The following ESRRG variants were observed in gnomAD, a reference collection of about 807,000 sequenced individuals.
The protein encoded by ESRRG is estrogen-related receptor gamma.
In ESRRG, 13 loss-of-function variants were observed where a neutral mutation model predicts 44.0. The observed-to-expected ratio is 0.30, with a 90% CI of 0.19 to 0.47. The LOEUF (loss-of-function observed/expected upper bound fraction) is 0.47, where lower values mean the gene tolerates loss of function less well. ESRRG is among the 20% of genes least tolerant of loss of function. The probability of loss-of-function intolerance (pLI) is 1.00; values close to 1 mark genes in which losing one functional copy is unlikely to be tolerated. For synonymous variants in ESRRG, 215 were observed against 214.6 expected (o/e 1.00, Z -0.02); for missense variants, 395 against 580.6 (o/e 0.68, Z 3.29).
chr1:216,924,131 G>T (rs1356532803), intron 2 of ESRRG, among the ~76,000 whole-genome samples: 2 of 152,160 alleles, frequency 1.3e-5, no homozygotes, highest in Non-Finnish European at 2.9e-5. Context: ...GCAGACAGAG[G>T]AAGAGGTTTT....
At chr1:216,949,873 T>G (rs1476958734) in intron 1 of ESRRG, among the ~76,000 whole-genome samples, 3 of 151,754 alleles carry the variant, frequency 2.0e-5, no homozygotes, top group African/African-American at 4.8e-5. Flanking sequence ...AGTGCAGTGG[T>G]GCCATGTCAG....
chr1:216,576,160 A>G (rs2061644556), intron 3 of ESRRG, among the ~76,000 whole-genome samples: 1 of 152,028 alleles, frequency 6.6e-6, no homozygotes, highest in Non-Finnish European at 1.5e-5. Context: ...AGTCCCACAG[A>G]GTCTATTTTC....
intron 3 of ESRRG, among the ~76,000 whole-genome samples, chr1:216,575,140 C>A (rs933743355): frequency 1.3e-5 from 2 of 152,028 alleles, no homozygotes; most frequent in Non-Finnish European, 2.9e-5. Context: ...ACCAGTTTAA[C>A]CTAGAGTAGC....
chr1:216,982,696 T>C (rs2074161870), intron 1 of ESRRG, among the ~76,000 whole-genome samples: 1 of 152,200 alleles, frequency 6.6e-6, no homozygotes, highest in Non-Finnish European at 1.5e-5. Context: ...GCCATATAAC[T>C]GCTGGGTTTC....
At chr1:217,108,633 G>A (rs2092626462) in intron 1 of ESRRG, among the ~76,000 whole-genome samples, 1 of 151,920 alleles carries the variant, frequency 6.6e-6, no homozygotes, top group Admixed American at 6.6e-5. Flanking sequence ...TTAAAAGTGT[G>A]TGGCGCCTTC....
chr1:217,056,433 A>G (rs1188249760), intron 1 of ESRRG, among the ~76,000 whole-genome samples: 2 of 152,094 alleles, frequency 1.3e-5, no homozygotes, highest in Non-Finnish European at 2.9e-5. Flanking sequence ...AAGAATTTAT[A>G]CTAAAACAAA....
chr1:216,865,699 T>C (rs1189129308), intron 2 of ESRRG, among the ~76,000 whole-genome samples: 1 of 152,220 alleles, frequency 6.6e-6, no homozygotes, highest in Non-Finnish European at 1.5e-5. Flanking sequence ...TTCAAGATTT[T>C]ACTTTCACCC....
At position 216,739,535 on chromosome 1, in the gene ESRRG, T is replaced by C. The variant is rs147739066; in HGVS notation, c.-13-62044A>G. ...TGGTATGTAGAGTTTATACCAGTAG[T>C]TCTCAAAGGAAAATATCAGTATTAT... On this transcript the variant is annotated intron_variant, in intron 2 of 7. Coordinates refer to the ESRRG transcript ENST00000359162. 4.5e-3 allele frequency among the ~76,000 whole-genome samples: 682 copies of C among 152,270 alleles called. 5 individuals are homozygous for C. Among genetic ancestry groups the C allele is most frequent in the African/African-American group, 0.015 (614 of 41,570 alleles).
chr1:216,571,929 C>T lies in ESRRG; in HGVS notation c.590-3831G>A, dbSNP rs376973134. 1.8e-4 allele frequency among the ~76,000 whole-genome samples: 28 copies of T among 152,074 alleles called. No individual in the cohort carries two copies. The East Asian group carries it at 3.3e-3, about 18-fold the overall frequency. ...TATTATACTCATCAAGTTTAGATAG[C>T]GATTAATGGTAAAAATTTCTAGAGC... On this transcript the variant is annotated intron_variant, in intron 3 of 6. Transcript: ENST00000408911.
intron 5 of ESRRG, among the ~76,000 whole-genome samples, chr1:216,545,202 C>T (rs1346009392): frequency 6.6e-6 from 1 of 151,180 alleles, no homozygotes; most frequent in Non-Finnish European, 1.5e-5. Flanking sequence ...CATACACCAG[C>T]ATGCCTAGCT....
intron 2 of ESRRG, among the ~76,000 whole-genome samples, chr1:216,819,425 A>C (rs950075723): frequency 3.3e-5 from 5 of 152,312 alleles, no homozygotes; most frequent in African/African-American, 1.2e-4. Context: ...CCATTCACCC[A>C]AAAGCATTGA....
intron 1 of ESRRG, among the ~76,000 whole-genome samples, chr1:216,970,238 A>T (rs1177809579): frequency 1.3e-5 from 2 of 152,232 alleles, no homozygotes; most frequent in Non-Finnish European, 2.9e-5. Context: ...GAGAAAATGC[A>T]TCACTAAAAA....
intron 2 of ESRRG, among the ~76,000 whole-genome samples, chr1:216,815,006 C>T (rs1434043042): frequency 6.6e-6 from 1 of 152,188 alleles, no homozygotes; most frequent in Non-Finnish European, 1.5e-5. Context: ...CTTAAATCCT[C>T]CCCTCACTTT....
intron 2 of ESRRG, among the ~76,000 whole-genome samples, chr1:216,925,366 G>A (rs1342906337): frequency 6.6e-6 from 1 of 152,196 alleles, no homozygotes; most frequent in Non-Finnish European, 1.5e-5. Flanking sequence ...GAACCCGGGA[G>A]GCGGAGGTTG....
At chr1:216,867,482 AG>A (rs2096185649) in intron 2 of ESRRG, among the ~76,000 whole-genome samples, 1 of 152,272 alleles carries the variant, frequency 6.6e-6, no homozygotes, top group African/African-American at 2.4e-5. Context: ...AAATTTGCGT[AG>A]GGGATATTTA....
chr1:216,545,735 C>A (rs2054304464), intron 5 of ESRRG, among the ~76,000 whole-genome samples: 1 of 152,000 alleles, frequency 6.6e-6, no homozygotes, highest in South Asian at 2.1e-4. Context: ...ATGTAATTAA[C>A]AATGCAATAA....
intron 1 of ESRRG, among the ~76,000 whole-genome samples, chr1:217,087,160 G>T (rs908315658): frequency 6.6e-6 from 1 of 152,132 alleles, no homozygotes; most frequent in African/African-American, 2.4e-5. Flanking sequence ...TACCTCTGGC[G>T]GGCTTTCGCT....
At chr1:216,682,379 G>A (rs2077173955) in intron 1 of ESRRG, among the ~76,000 whole-genome samples, 1 of 152,052 alleles carries the variant, frequency 6.6e-6, no homozygotes, top group Admixed American at 6.6e-5. Context: ...CATCCTTAAG[G>A]GCCTGGAAAG....
At chr1:216,921,204 CT>C (rs2061792618) in intron 2 of ESRRG, among the ~76,000 whole-genome samples, 1 of 152,174 alleles carries the variant, frequency 6.6e-6, no homozygotes, top group South Asian at 2.1e-4. Flanking sequence ...CCAGACACAT[CT>C]TTCATCAGGA....
Sources: gnomAD v4.1 joint callset for allele counts (sites outside exome capture counted in the v4.1 genomes callset) on GRCh38, gnomAD v4.1.1 for gene constraint, MANE v1.5 for transcripts, NCBI Gene and HGNC (gene_info 2026-07-23, HGNC 2026-07-21) for gene names.